KCTD13: variants seen among roughly 807,000 people sequenced by gnomAD.
KCTD13 encodes BTB/POZ domain-containing adapter for CUL3-mediated RhoA degradation protein 1.
In KCTD13, 15 loss-of-function variants were observed where a neutral mutation model predicts 32.3. The ratio of observed to expected loss-of-function variants is 0.46; its 90% CI spans 0.31 to 0.71. The LOEUF is 0.71. Among genes scored for constraint, KCTD13 ranks in the 30% least tolerant of loss-of-function variants. KCTD13 has a pLI of 0.05. For synonymous variants in KCTD13, 189 were observed against 200.1 expected, an observed-to-expected ratio of 0.94 and a Z score of 0.47; for missense variants, 337 against 452.6, an observed-to-expected ratio of 0.74 and a Z score of 2.32.
intron 5 of KCTD13, among the ~76,000 whole-genome samples, chr16:29,910,378 CACA>C (rs1213297382): frequency 4.6e-5 from 7 of 151,662 alleles, no homozygotes; most frequent in Non-Finnish European, 1.0e-4. Flanking sequence ...AGCCTGGTGA[CACA>C]ACGAGACTCC....
intron 1 of KCTD13, chr16:29,925,488 G>C (rs965091282): frequency 4.4e-6 from 2 of 456,862 alleles, no homozygotes; most frequent in Non-Finnish European, 8.1e-6. Flanking sequence ...AGGGGTGAAG[G>C]GTGGGAGAGG....
At chr16:29,921,651 GT>G (rs1298905323) in intron 2 of KCTD13, 2 of 152,060 alleles carry the variant, frequency 1.3e-5, no homozygotes, top group Non-Finnish European at 2.9e-5. Context: ...TACAGGCCGG[GT>G]TTTAAAACTT....
intron 2 of KCTD13, among the ~76,000 whole-genome samples, chr16:29,918,118 TC>T (rs1411249879): frequency 6.6e-6 from 1 of 152,180 alleles, no homozygotes. Context: ...ACAAATAATC[TC>T]ATGTAATAAT....
rs990982984 is a variant in KCTD13, at chr16:29,906,854, C to T, written c.*18G>A. The T allele has an allele frequency of 4.4e-6, 7 of 1,603,904 alleles. No individual in the cohort carries two copies. The highest frequency in any genetic ancestry group is 5.1e-6 in the Non-Finnish European group (6 of 1,171,124). On this transcript the variant is annotated 3_prime_UTR_variant, in exon 6 of 6. Coordinates refer to ENST00000568000, the MANE Select transcript of KCTD13 (RefSeq NM_178863.5). ...ACTGGGTCCCAAGGCAAGAGGAAGG[C>T]AGGGGGAGGGTCAGAGGTCAGTCCT...
chr16:29,920,387 T>C (rs1205303615), intron 2 of KCTD13: 2 of 152,318 alleles, frequency 1.3e-5, no homozygotes, highest in Non-Finnish European at 2.9e-5. Context: ...TTCTGAACTT[T>C]GCTGAGAACA....
intron 2 of KCTD13, among the ~76,000 whole-genome samples, chr16:29,916,628 C>T (rs1385969440): frequency 6.6e-6 from 1 of 152,150 alleles, no homozygotes; most frequent in African/African-American, 2.4e-5. Context: ...TTTTGGGAGG[C>T]CAAGGCTGGA....
chr16:29,918,847 A>G (rs964316591), intron 2 of KCTD13, among the ~76,000 whole-genome samples: 1 of 151,996 alleles, frequency 6.6e-6, no homozygotes, highest in Non-Finnish European at 1.5e-5. Flanking sequence ...TTTAGTAGAT[A>G]CAGGGTTTCA....
chr16:29,922,262 A>C (rs895107067), intron 2 of KCTD13: 1 of 152,134 alleles, frequency 6.6e-6, no homozygotes, highest in African/African-American at 2.4e-5. Context: ...TTTGGGCTTC[A>C]AGAACCAGTA....
rs537629227 is a variant in KCTD13 at position 29,906,486 on chromosome 16, G to A, written c.*386C>T. On this transcript the variant is annotated 3_prime_UTR_variant, in exon 6 of 6. Transcript: ENST00000568000. Reference sequence around the variant, plus strand: ...GGGAGGATGGTGGGGAGGAGGGGGCGGACTACCCTGCAGGACGCGGGAGGC... The same window carrying A: ...GGGAGGATGGTGGGGAGGAGGGGGCAGACTACCCTGCAGGACGCGGGAGGC... 9.2e-5 allele frequency: 43 copies of A among 468,754 alleles called. No homozygotes were observed. The highest frequency in any genetic ancestry group is 5.5e-4 in the African/African-American group (28 of 50,702). The allele number at this position is 468,754 out of a possible 1,614,324, so 29.0% of individuals were successfully genotyped here.
At chr16:29,922,361 C>T (rs1234346226) in intron 2 of KCTD13, 1 of 152,142 alleles carries the variant, frequency 6.6e-6, no homozygotes, top group African/African-American at 2.4e-5. Flanking sequence ...TCTTCTCTTA[C>T]TATTGTAACA....
Position 29,906,561 on chromosome 16 carries a change from G to A in KCTD13, c.*311C>T, listed in dbSNP as rs1037982126. 12 of 514,734 alleles carry A rather than the reference G, an allele frequency of 2.3e-5. No individual in the cohort carries two copies. Among genetic ancestry groups the A allele is most frequent in the Non-Finnish European group, 4.2e-5 (11 of 264,914 alleles). The allele number at this position is 514,734 out of a possible 1,614,324, so 31.9% of individuals were successfully genotyped here. On this transcript the variant is annotated 3_prime_UTR_variant, in exon 6 of 6. Coordinates refer to ENST00000568000, the MANE Select transcript of KCTD13 (RefSeq NM_178863.5). ...AAGGGCCGCACACTTTGGCATGGAC[G>A]ATGCACTAAAAAAAGAGAAAGGGAA...
rs2068943775 is a variant in KCTD13 at position 29,923,274 on chromosome 16, A to ACTCT, written c.326_329dup (p.Ser110ArgfsTer23). Reference sequence around the variant, plus strand: ...CCAGCAGCTCCCCCAGTTCTCTCGTACTCTCCGGCAGTGGCACAGACCCAT... The same window carrying ACTCT: ...CCAGCAGCTCCCCCAGTTCTCTCGTACTCTCTCTCCGGCAGTGGCACAGACCCAT... On this transcript the variant is annotated frameshift_variant, in exon 2 of 6. Coordinates refer to ENST00000568000, the MANE Select transcript of KCTD13 (RefSeq NM_178863.5). LOFTEE classifies it high-confidence loss of function. The ACTCT allele has an allele frequency of 6.2e-7, 1 of 1,613,670 alleles. No homozygotes were observed. Among genetic ancestry groups the ACTCT allele is most frequent in the Non-Finnish European group, 8.5e-7 (1 of 1,179,966 alleles).
At chr16:29,916,682 A>G (rs1282447980) in intron 2 of KCTD13, among the ~76,000 whole-genome samples, 1 of 152,172 alleles carries the variant, frequency 6.6e-6, no homozygotes, top group African/African-American at 2.4e-5. Flanking sequence ...TGGCCGACAG[A>G]GCAAGACTCT....
intron 1 of KCTD13, among the ~76,000 whole-genome samples, chr16:29,923,699 TA>T (rs2150846255): frequency 6.6e-6 from 1 of 150,976 alleles, no homozygotes; most frequent in Admixed American, 6.6e-5. Flanking sequence ...CCATCTCTAC[TA>T]AAAATACAAA....
chr16:29,924,394 A>C (rs1433808419), intron 1 of KCTD13, among the ~76,000 whole-genome samples: 1 of 152,208 alleles, frequency 6.6e-6, no homozygotes, highest in Non-Finnish European at 1.5e-5. Flanking sequence ...AAGTTCTTGC[A>C]GAATTACCTT....
intron 2 of KCTD13, 194 bp from the exon 3 acceptor site, chr16:29,912,243 C>A: frequency 1.6e-6 from 1 of 612,688 alleles, no homozygotes; most frequent in Non-Finnish European, 2.9e-6. Flanking sequence ...GGACACCTTG[C>A]TGCTTCACAC....
Position 29,911,856 on chromosome 16 carries a change from C to T in KCTD13, c.516G>A (p.Lys172=). The T allele has an allele frequency of 6.2e-7, 1 of 1,612,378 alleles. No homozygotes were observed. Among genetic ancestry groups the T allele is most frequent in the Non-Finnish European group, 8.5e-7 (1 of 1,179,200 alleles). The change falls in exon 4 of 6, where the codon AAG becomes AAA. Residue 172 remains lysine (K), a synonymous_variant. Transcript: ENST00000568000. ...TGTTGTTACTGCGGTTGTGCAGGAG[C>T]TTCACCACGGGCTGGCGGGGGAGAG... The part of the protein sequence containing the change: ...LLASTSKPVV[K]LLHNRSNNKY...
At position 29,911,936 on chromosome 16, in the gene KCTD13, C is replaced by A. The variant is rs368331841; in HGVS notation, c.504+24G>T. On this transcript the variant is annotated intron_variant, in intron 3 of 5. Coordinates refer to ENST00000568000, the MANE Select transcript of KCTD13 (RefSeq NM_178863.5). ...GAGAGGCCCCCCCAGTGAGCCTCCA[C>A]CCTGCAGGGCTTGGGGGCCTCACCT... 1.6e-4 allele frequency: 252 copies of A among 1,609,890 alleles called. No individual in the cohort carries two copies. Among genetic ancestry groups the A allele is most frequent in the Non-Finnish European group, 2.0e-4 (237 of 1,178,522 alleles).
chr16:29,915,688 G>A (rs972319534), intron 2 of KCTD13, among the ~76,000 whole-genome samples: 1 of 151,976 alleles, frequency 6.6e-6, no homozygotes, highest in African/African-American at 2.4e-5. Context: ...GTGCTGAGAC[G>A]CTGAAAGACA....
Sources: allele counts gnomAD v4.1 joint callset (sites outside exome capture counted in the v4.1 genomes callset), GRCh38; gene constraint gnomAD v4.1.1; transcripts MANE v1.5; gene names NCBI Gene and HGNC (gene_info 2026-07-23, HGNC 2026-07-21).